The following CCNF variants were observed in gnomAD, a reference collection of about 807,000 sequenced individuals.
CCNF encodes the protein cyclin F.
A neutral mutation model predicts 85.4 loss-of-function variants in CCNF; 30 were observed. That is an observed-to-expected ratio of 0.35 (90% CI 0.26 to 0.48). CCNF has a LOEUF of 0.48. CCNF is among the 20% of genes least tolerant of loss of function. CCNF has a pLI of 0.99. For synonymous variants in CCNF, 439 were observed against 425.1 expected (o/e 1.03, Z -0.40); for missense variants, 919 against 1,010.4 (o/e 0.91, Z 1.23).
Position 2,429,465 on chromosome 16 carries a change from G to A in CCNF, c.-17G>A. 7 of 1,225,360 alleles carry A rather than the reference G, an allele frequency of 5.7e-6. No individual in the cohort carries two copies. The highest frequency in any genetic ancestry group is 7.1e-6 in the Non-Finnish European group (7 of 984,366). The allele number at this position is 1,225,360 out of a possible 1,614,324, so 75.9% of individuals were successfully genotyped here. The stretch of plus-strand genomic sequence containing the variant: ...CGCTCTCAGGCGGGCTCCGGCGGCA[G>A]CGACGCGAGCGCGGCGATGGGGAGC... On this transcript the variant is annotated 5_prime_UTR_variant, in exon 1 of 17. Transcript: ENST00000397066.
chr16:2,442,439 A>T (rs61432051), intron 8 of CCNF, among the ~76,000 whole-genome samples: 250 of 6,338 alleles, frequency 0.039, 21 homozygotes, highest in African/African-American at 0.19. Context: ...TATTATATAT[A>T]ATATATAATA....
chr16:2,430,404 A>G (rs2065256620), intron 1 of CCNF, among the ~76,000 whole-genome samples: 1 of 152,082 alleles, frequency 6.6e-6, no homozygotes, highest in South Asian at 2.1e-4. Context: ...GGAAGAGGAG[A>G]GAGCACATCT....
Position 2,432,990 on chromosome 16 carries a change from C to T in CCNF, c.201C>T (p.Asp67=), listed in dbSNP as rs1421859684. The change falls in exon 3 of 17, where the codon GAC becomes GAT. Residue 67 remains aspartate (D), a synonymous_variant. Coordinates refer to ENST00000397066, the MANE Select transcript of CCNF (RefSeq NM_001761.3). ...AVHSQLKDLV[D]NHASVWACAS... is the part of the protein sequence containing the mutation. ...ACTCCCAGCTGAAGGACCTGGTGGA[C>T]AACCACGCCAGTGTGTGGGCATGTG... The T allele has an allele frequency of 1.2e-6, 2 of 1,609,620 alleles. No homozygotes were observed. Among genetic ancestry groups the T allele is most frequent in the Non-Finnish European group, 8.5e-7 (1 of 1,176,436 alleles).
At chr16:2,448,717 T>C in intron 10 of CCNF, 138 bp from the exon 11 acceptor site, 1 of 750,600 alleles carries the variant, frequency 1.3e-6, no homozygotes. Context: ...GGCTCCATTA[T>C]GAAGCCTCTG....
At position 2,455,570 on chromosome 16, in the gene CCNF, TG is replaced by T; in HGVS notation, c.1885+7del. On this transcript the variant is annotated splice_region_variant and intron_variant, in intron 16 of 16. Transcript: ENST00000397066. The stretch of plus-strand genomic sequence containing the variant: ...GGGCGAGAAGGAGGGCGACGGTGAG[TG>T]TGGGGCCAGGGTGCACCAGAAGGGA... 6.3e-7 allele frequency: 1 copy of T among 1,586,570 alleles called. No individual in the cohort carries two copies. The highest frequency in any genetic ancestry group is 8.6e-7 in the Non-Finnish European group (1 of 1,158,726).
At chr16:2,437,796 G>A (rs2065299394) in intron 5 of CCNF, 3 of 456,698 alleles carry the variant, frequency 6.6e-6, no homozygotes, top group Admixed American at 3.4e-5. Flanking sequence ...CTACTCAGGA[G>A]GCTGCGGTGG....
chr16:2,432,639 C>A (rs2065268528), intron 2 of CCNF, among the ~76,000 whole-genome samples: 1 of 152,170 alleles, frequency 6.6e-6, no homozygotes, highest in African/African-American at 2.4e-5. Context: ...CTGCCTGCCC[C>A]CTTTTAGAGT....
At chr16:2,435,455 C>T (rs1253762770) in intron 3 of CCNF, among the ~76,000 whole-genome samples, 1 of 150,162 alleles carries the variant, frequency 6.7e-6, no homozygotes, top group Non-Finnish European at 1.5e-5. Flanking sequence ...CATGGTGGCA[C>T]ATGCCTGTAG....
Position 2,453,343 on chromosome 16 carries a change from G to A in CCNF, c.1587+34G>A. On this transcript the variant is annotated intron_variant, in intron 14 of 16. Transcript: ENST00000397066. The surrounding 1 kb of genome is among the most constrained non-coding windows in gnomAD (Gnocchi z 5.6). ...CTCCCGCCACCTGGGCGTCTCATGGGGTGCTGGGGTGTGGGCGGGCCTCAC... is the reference window on the plus strand; with the variant it reads ...CTCCCGCCACCTGGGCGTCTCATGGAGTGCTGGGGTGTGGGCGGGCCTCAC... The A allele has an allele frequency of 3.1e-6, 5 of 1,613,718 alleles. No homozygotes were observed. The highest frequency in any genetic ancestry group is 4.2e-6 in the Non-Finnish European group (5 of 1,179,910).
chr16:2,434,882 C>A (rs2065279992), intron 3 of CCNF, among the ~76,000 whole-genome samples: 1 of 152,220 alleles, frequency 6.6e-6, no homozygotes, highest in Non-Finnish European at 1.5e-5. Context: ...TGGCTGGCTT[C>A]TTTCACGGAC....
intron 11 of CCNF, 149 bp from the exon 12 acceptor site, chr16:2,449,133 T>G: frequency 7.0e-7 from 1 of 1,420,704 alleles, no homozygotes; most frequent in Non-Finnish European, 9.9e-7. Flanking sequence ...AGGCCACGGT[T>G]GCACCACGTC....
intron 11 of CCNF, 152 bp downstream of exon 11, chr16:2,449,130 G>A (rs957108366): frequency 1.1e-5 from 16 of 1,429,602 alleles, no homozygotes; most frequent in Admixed American, 3.4e-5. Flanking sequence ...AGGAGGCCAC[G>A]GTTGCACCAC....
intron 8 of CCNF, among the ~76,000 whole-genome samples, chr16:2,442,826 T>C (rs1290686893): frequency 2.6e-5 from 2 of 78,282 alleles, no homozygotes; most frequent in Non-Finnish European, 4.4e-5. Context: ...CTATAATATA[T>C]GTAATATTAT....
chr16:2,430,687 C>A (rs552710005), intron 1 of CCNF, among the ~76,000 whole-genome samples: 3 of 152,160 alleles, frequency 2.0e-5, no homozygotes, highest in Non-Finnish European at 4.4e-5. Flanking sequence ...CTCTTCAAGC[C>A]CACAGATCTT....
At chr16:2,441,362 C>T (rs2065320301) in intron 8 of CCNF, among the ~76,000 whole-genome samples, 1 of 152,122 alleles carries the variant, frequency 6.6e-6, no homozygotes, top group Admixed American at 6.5e-5. Flanking sequence ...CAACATTGCA[C>T]TTCAGCCTGG....
intron 9 of CCNF, among the ~76,000 whole-genome samples, chr16:2,444,403 C>T (rs545404064): frequency 2.7e-5 from 4 of 148,972 alleles, no homozygotes; most frequent in Admixed American, 1.3e-4. Context: ...GGGTTCACAC[C>T]ATTCTCCTGC....
At position 2,455,494 on chromosome 16, in the gene CCNF, C is replaced by T. The variant is rs761837003; in HGVS notation, c.1815C>T (p.Leu605=). The part of the protein sequence containing the change: ...SQEETLLGSF[L]DWSLDCCSGY... ...AGGAGACGCTGCTGGGCAGCTTCCT[C>T]GACTGGAGCCTGGACTGCTGCTCTG... The change falls in exon 16 of 17, where the codon CTC becomes CTT. Residue 605 remains leucine (L), a synonymous_variant. Transcript: ENST00000397066. 5 of 1,606,964 alleles carry T rather than the reference C, an allele frequency of 3.1e-6. No individual in the cohort carries two copies. The highest frequency in any genetic ancestry group is 3.4e-6 in the Non-Finnish European group (4 of 1,174,506).
chr16:2,429,533 A>C (rs1456449238), intron 1 of CCNF, 36 bp downstream of exon 1: 5 of 1,228,666 alleles, frequency 4.1e-6, no homozygotes, highest in Non-Finnish European at 3.0e-6. Context: ...TTTCTGCCCC[A>C]CACCCCTTCT....
chr16:2,443,830 A>G (rs1322926846), intron 9 of CCNF, 30 bp downstream of exon 9: 1 of 1,603,642 alleles, frequency 6.2e-7, no homozygotes, highest in African/African-American at 1.3e-5. Flanking sequence ...GCTTCTAATC[A>G]GAGCGGCGCG....
Sources: gnomAD v4.1 joint callset for allele counts (sites outside exome capture counted in the v4.1 genomes callset) on GRCh38, gnomAD v4.1.1 for gene constraint, Gnocchi (gnomAD v3.1) non-coding constraint, MANE v1.5 for transcripts, NCBI Gene and HGNC (gene_info 2026-07-23, HGNC 2026-07-21) for gene names.